The following TMEM278 variants were observed in gnomAD, a reference collection of about 807,000 sequenced individuals.
TMEM278 encodes transmembrane protein 88B.
chr1:1,428,978 C>A, the TMEM278 span, among the ~76,000 whole-genome samples: 1 of 123,384 alleles, frequency 8.1e-6, no homozygotes, highest in Non-Finnish European at 1.6e-5. Context: ...CTAGCTTGGG[C>A]GAAAGAGCGA....
chr1:1,426,613 C>A, the TMEM278 span, among the ~76,000 whole-genome samples: 3 of 152,144 alleles, frequency 2.0e-5, no homozygotes, highest in Admixed American at 2.0e-4. Context: ...GGCCTCCCAG[C>A]CTTGTACCAG....
chr1:1,428,014 G>GAA, the TMEM278 span, among the ~76,000 whole-genome samples: 2 of 79,782 alleles, frequency 2.5e-5, 1 homozygote, highest in East Asian at 8.0e-4. Flanking sequence ...GAGGGGAGGG[G>GAA]GAGAGAGGGG....
chr1:1,429,552 T>C, the TMEM278 span, among the ~76,000 whole-genome samples: 1 of 152,206 alleles, frequency 6.6e-6, no homozygotes, highest in Non-Finnish European at 1.5e-5. Flanking sequence ...CTGTGACTGG[T>C]GTTTCTGCCG....
At chr1:1,427,638 C>G in the TMEM278 span, 30 of 1,343,950 alleles carry the variant, frequency 2.2e-5, no homozygotes, top group Non-Finnish European at 2.8e-5. Flanking sequence ...GCTTCTCTCG[C>G]TGCCGCCGCT....
At chr1:1,429,028 G>A in the TMEM278 span, among the ~76,000 whole-genome samples, 1 of 151,618 alleles carries the variant, frequency 6.6e-6, no homozygotes, top group Non-Finnish European at 1.5e-5. Flanking sequence ...AATTAGCTGG[G>A]CGTGGTGGTG....
chr1:1,426,077 A>G, the TMEM278 span: 2 of 1,321,988 alleles, frequency 1.5e-6, no homozygotes, highest in South Asian at 4.2e-5. Context: ...CCTGGAGAGC[A>G]CCACTCTGCA....
the TMEM278 span, among the ~76,000 whole-genome samples, chr1:1,429,073 G>A: frequency 2.6e-4 from 40 of 152,200 alleles, 1 homozygote; most frequent in South Asian, 4.1e-3. Flanking sequence ...GGAGGCTGAG[G>A]CAGGAGGATC....
the TMEM278 span, chr1:1,427,850 C>A: frequency 7.6e-7 from 1 of 1,314,472 alleles, no homozygotes; most frequent in South Asian, 1.7e-5. Context: ...ATCGCGTGGC[C>A]CGGCCCGGAA....
At chr1:1,428,014 GGA>G in the TMEM278 span, among the ~76,000 whole-genome samples, 1 of 79,782 alleles carries the variant, frequency 1.3e-5, no homozygotes, top group Non-Finnish European at 2.6e-5. Context: ...GAGGGGAGGG[GGA>G]GAGAGGGGAG....
chr1:1,427,103 G>A, the TMEM278 span, among the ~76,000 whole-genome samples: 1 of 128,814 alleles, frequency 7.8e-6, no homozygotes, highest in East Asian at 2.5e-4. Context: ...GCCCTGCTCA[G>A]CCCGCCACGG....
the TMEM278 span, among the ~76,000 whole-genome samples, chr1:1,426,676 A>G: frequency 6.6e-6 from 1 of 152,104 alleles, no homozygotes; most frequent in South Asian, 2.1e-4. Context: ...ACGGGGTTCC[A>G]GGAAAAGAAG....
chr1:1,430,152 C>G, the TMEM278 span, among the ~76,000 whole-genome samples: 1 of 152,250 alleles, frequency 6.6e-6, no homozygotes, highest in Non-Finnish European at 1.5e-5. Flanking sequence ...GCCACCCCAC[C>G]TGGCCTTATT....
chr1:1,426,126 G>A, the TMEM278 span: 9 of 1,400,168 alleles, frequency 6.4e-6, no homozygotes, highest in Non-Finnish European at 8.4e-6. Context: ...AGTGGCAGGA[G>A]CATGAGTGAG....
the TMEM278 span, chr1:1,427,719 G>GGGACCCCC: frequency 7.6e-7 from 1 of 1,317,334 alleles, no homozygotes; most frequent in Non-Finnish European, 9.7e-7. Flanking sequence ...TCCGCCCGCT[G>GGGACCCCC]GGACCCCCGG....
chr1:1,428,156 A>C, the TMEM278 span, among the ~76,000 whole-genome samples: 2 of 70,444 alleles, frequency 2.8e-5, no homozygotes, highest in Admixed American at 1.8e-4. Flanking sequence ...AAGAGAGGGG[A>C]GGTGAGGGAA....
the TMEM278 span, among the ~76,000 whole-genome samples, chr1:1,429,029 C>T: frequency 2.0e-5 from 3 of 148,900 alleles, no homozygotes; most frequent in East Asian, 2.0e-4. Flanking sequence ...ATTAGCTGGG[C>T]GTGGTGGTGG....
At chr1:1,428,805 C>A in the TMEM278 span, among the ~76,000 whole-genome samples, 1 of 152,114 alleles carries the variant, frequency 6.6e-6, no homozygotes, top group Non-Finnish European at 1.5e-5. Flanking sequence ...TCCAGATCAT[C>A]CTGGCTAACA....
At chr1:1,429,030 G>C in the TMEM278 span, among the ~76,000 whole-genome samples, 1 of 150,564 alleles carries the variant, frequency 6.6e-6, no homozygotes, top group Non-Finnish European at 1.5e-5. Flanking sequence ...TTAGCTGGGC[G>C]TGGTGGTGGG....
At chr1:1,427,131 C>G in the TMEM278 span, among the ~76,000 whole-genome samples, 2 of 148,224 alleles carry the variant, frequency 1.3e-5, no homozygotes, top group African/African-American at 2.5e-5. Context: ...ACCGCCCCGC[C>G]CCGCTCTTTC....
Sources: gnomAD v4.1 joint callset for allele counts (sites outside exome capture counted in the v4.1 genomes callset) on GRCh38, gnomAD v4.1.1 for gene constraint, MANE v1.5 for transcripts, NCBI Gene and HGNC (gene_info 2026-07-23, HGNC 2026-07-21) for gene names.